PNPLA1: variants seen among roughly 807,000 people sequenced by gnomAD.
PNPLA1 encodes omega-hydroxyceramide transacylase.
PNPLA1 carries 36 observed loss-of-function variants against 51.7 expected under a neutral mutation model. The ratio of observed to expected loss-of-function variants is 0.70; its 90% CI spans 0.53 to 0.92. The LOEUF (loss-of-function observed/expected upper bound fraction) is 0.92. Among genes scored for constraint, PNPLA1 ranks in the 40% least tolerant of loss-of-function variants. The pLI, the probability that PNPLA1 is intolerant of heterozygous loss-of-function variation, is 0.00. For synonymous variants in PNPLA1, 293 were observed against 280.1 expected, an observed-to-expected ratio of 1.05 and a Z score of -0.46; for missense variants, 658 against 682.5, an observed-to-expected ratio of 0.96 and a Z score of 0.40.
At chr6:36,307,261 C>T (rs1453024755) in intron 7 of PNPLA1, among the ~76,000 whole-genome samples, 1 of 152,118 alleles carries the variant, frequency 6.6e-6, no homozygotes, top group Non-Finnish European at 1.5e-5. Flanking sequence ...ATAATTTTAA[C>T]CATAAAACTT....
chr6:36,295,311 G>A, intron 4 of PNPLA1, 53 bp from the exon 5 acceptor site: 2 of 1,592,026 alleles, frequency 1.3e-6, no homozygotes, highest in Middle Eastern at 1.7e-4. Flanking sequence ...GGGGAACTGT[G>A]GCTCCCTTCC....
At chr6:36,266,882 G>A (rs1182304726), upstream of PNPLA1, among the ~76,000 whole-genome samples, 3 of 152,164 alleles carry the variant, frequency 2.0e-5, no homozygotes, top group East Asian at 1.9e-4. Flanking sequence ...AAACCACCAG[G>A]TTCTTCACTA....
chr6:36,260,403 A>G (rs543651994), intron 1 of PNPLA1, among the ~76,000 whole-genome samples: 56 of 152,348 alleles, frequency 3.7e-4, no homozygotes, highest in African/African-American at 1.3e-3. Flanking sequence ...TGAGAAATAT[A>G]TGGAAAAAGT....
chr6:36,278,361 C>G (rs1770174903), intron 1 of PNPLA1, among the ~76,000 whole-genome samples: 1 of 152,210 alleles, frequency 6.6e-6, no homozygotes. Context: ...TTTATAGTTT[C>G]CCTGGCTCTT....
rs887879407 is a variant in PNPLA1 at position 36,248,590 on chromosome 6, C to T, written c.-81+5329C>T. ...AGGCTGGAGTGCAGTGGCACGATCT[C>T]GGCTCACTGCAAGTGCCTCCTGGAT... On this transcript the variant is annotated intron_variant, in intron 1 of 7. Transcript: ENST00000312917. Among the ~76,000 whole-genome samples the T allele has an allele frequency of 2.6e-4, 39 of 151,388 alleles. 1 individual carries two copies. The highest frequency in any genetic ancestry group is 2.1e-3 in the Admixed American group (32 of 15,238).
At position 36,270,757 on chromosome 6, in the gene PNPLA1, A is replaced by T. The variant is rs567347479; in HGVS notation, c.205+93A>T. On this transcript the variant is annotated intron_variant, in intron 1 of 8. Coordinates refer to ENST00000636260, the MANE Select transcript of PNPLA1 (RefSeq NM_001374623.1). ...AGGGAGGCTGGGGATGCTTTGGGGG[A>T]CAAAGCCAGGCCTGGGTGGCAGGAA... The T allele has an allele frequency of 2.9e-6, 4 of 1,396,528 alleles. No homozygotes were observed. In the South Asian group the frequency reaches 3.9e-5, roughly 14 times the overall value. The allele number at this position is 1,396,528 out of a possible 1,614,324, so 86.5% of individuals were successfully genotyped here.
chr6:36,282,089 G>GAAAGAAAGAAAGAAAGAAAGAAAGA (rs59827619), intron 1 of PNPLA1, among the ~76,000 whole-genome samples: 1 of 66,842 alleles, frequency 1.5e-5, no homozygotes, highest in African/African-American at 5.5e-5. Flanking sequence ...AAGAAAGAAA[G>GAAAGAAAGAAAGAAAGAAAGAAAGA]AAGGAAGGAA....
intron 2 of PNPLA1, 40 bp downstream of exon 2, chr6:36,291,592 C>CCCCGGGGGGGGGGG: frequency 9.5e-5 from 10 of 105,200 alleles, no homozygotes; most frequent in East Asian, 6.8e-4. Flanking sequence ...ACGGAGGGGG[C>CCCCGGGGGGGGGGG]GGGGGAGGGC....
chr6:36,308,898 G>T lies in PNPLA1; in HGVS notation c.1595+1186G>T, dbSNP rs373089979. Among the ~76,000 whole-genome samples the T allele has an allele frequency of 1.1e-4, 16 of 152,320 alleles. No individual in the cohort carries two copies. The East Asian group carries it at 2.7e-3, about 26-fold the overall frequency. Reference sequence around the variant, plus strand: ...TAGTCCCAGCTATTCGGGAGGCTGAGGCAGGAGGATTGCTTGAGCCCAGGA... The same window carrying T: ...TAGTCCCAGCTATTCGGGAGGCTGATGCAGGAGGATTGCTTGAGCCCAGGA... On this transcript the variant is annotated intron_variant, in intron 8 of 8. Transcript: ENST00000636260.
At chr6:36,259,902 A>G (rs934690554) in intron 1 of PNPLA1, among the ~76,000 whole-genome samples, 3 of 151,998 alleles carry the variant, frequency 2.0e-5, no homozygotes, top group Non-Finnish European at 4.4e-5. Flanking sequence ...TGACAGGATC[A>G]GTTGTACCCC....
At chr6:36,268,833 C>G (rs1026550405), upstream of PNPLA1, among the ~76,000 whole-genome samples, 3 of 152,216 alleles carry the variant, frequency 2.0e-5, no homozygotes, top group African/African-American at 7.2e-5. Flanking sequence ...CACACAAGCC[C>G]TCAGTGGAGC....
intron 1 of PNPLA1, among the ~76,000 whole-genome samples, chr6:36,288,887 C>A (rs1770590241): frequency 6.6e-6 from 1 of 152,138 alleles, no homozygotes; most frequent in Non-Finnish European, 1.5e-5. Flanking sequence ...AGTGAGCTAT[C>A]ATGGTGTCCA....
At chr6:36,246,461 C>T (rs565809822) in intron 1 of PNPLA1, among the ~76,000 whole-genome samples, 1 of 152,292 alleles carries the variant, frequency 6.6e-6, no homozygotes, top group East Asian at 1.9e-4. Flanking sequence ...CTTGGCCTCC[C>T]AAAGTGCTGG....
chr6:36,284,628 C>G (rs1453487931), intron 1 of PNPLA1, among the ~76,000 whole-genome samples: 2 of 152,002 alleles, frequency 1.3e-5, no homozygotes, highest in Non-Finnish European at 2.9e-5. Context: ...TGAGGCTCAT[C>G]TTTTTCCTGG....
At chr6:36,256,663 G>T (rs367849096) in intron 1 of PNPLA1, among the ~76,000 whole-genome samples, 1 of 152,050 alleles carries the variant, frequency 6.6e-6, no homozygotes, top group Non-Finnish European at 1.5e-5. Flanking sequence ...AGCCAGGATG[G>T]TCTCGACCTC....
rs1178559919 is a variant in PNPLA1 at position 36,294,954 on chromosome 6, T to A, written c.715-410T>A. ...CTAGCATCCTCTATGATCAATATTA[T>A]AACTGTCCCCATTTTATAGATGAAG... is the stretch of plus-strand genomic sequence containing the variant. On this transcript the variant is annotated intron_variant, in intron 4 of 8. Coordinates refer to ENST00000636260, the MANE Select transcript of PNPLA1 (RefSeq NM_001374623.1). This position sits in a 1 kb window ranked among gnomAD's most constrained non-coding sequence, Gnocchi z 4.2. Among the ~76,000 whole-genome samples the A allele has an allele frequency of 2.0e-5, 3 of 152,240 alleles. No homozygotes were observed. The highest frequency in any genetic ancestry group is 4.4e-5 in the Non-Finnish European group (3 of 68,046).
chr6:36,267,127 A>G (rs1050253372), upstream of PNPLA1, among the ~76,000 whole-genome samples: 1 of 152,348 alleles, frequency 6.6e-6, no homozygotes, highest in Non-Finnish European at 1.5e-5. Context: ...TCAGACAAGC[A>G]GTGTTAACTT....
intron 2 of PNPLA1, among the ~76,000 whole-genome samples, chr6:36,292,273 G>C (rs532575254): frequency 6.6e-6 from 1 of 152,040 alleles, no homozygotes; most frequent in Non-Finnish European, 1.5e-5. Flanking sequence ...AATAGGCAGT[G>C]GGCACAGACA....
intron 5 of PNPLA1, among the ~76,000 whole-genome samples, chr6:36,301,305 A>G (rs1234249326): frequency 6.6e-6 from 1 of 152,090 alleles, no homozygotes; most frequent in South Asian, 2.1e-4. Context: ...TCCCCTGCCT[A>G]AAAGTCATGC....
Sources: gnomAD v4.1 joint callset for allele counts (sites outside exome capture counted in the v4.1 genomes callset) on GRCh38, gnomAD v4.1.1 for gene constraint, Gnocchi (gnomAD v3.1) non-coding constraint, MANE v1.5 for transcripts, NCBI Gene and HGNC (gene_info 2026-07-23, HGNC 2026-07-21) for gene names.